FGF7: variants seen among roughly 807,000 people sequenced by gnomAD.
FGF7 encodes fibroblast growth factor 7, also known as FGF-7.
In FGF7, 6 loss-of-function variants were observed where a neutral mutation model predicts 20.5. That is an observed-to-expected ratio of 0.29 (90% confidence interval 0.16 to 0.58). The LOEUF is 0.58. Ranked by LOEUF, FGF7 falls within the 20% of genes least tolerant of loss-of-function variation. The pLI is 0.90. For missense variants in FGF7, 144 were observed against 228.8 expected (o/e 0.63, Z 2.39); for synonymous variants, 64 against 74.7 (o/e 0.86, Z 0.74).
intron 2 of FGF7, among the ~76,000 whole-genome samples, chr15:49,429,228 G>T (rs142284307): frequency 6.8e-4 from 103 of 152,070 alleles, no homozygotes; most frequent in African/African-American, 2.4e-3. Flanking sequence ...AGCAATTATA[G>T]ACAAGGTAGA....
intron 2 of FGF7, among the ~76,000 whole-genome samples, chr15:49,481,376 T>A: frequency 6.6e-6 from 1 of 152,238 alleles, no homozygotes; most frequent in East Asian, 1.9e-4. Flanking sequence ...CCTAATAGTA[T>A]TCTTCTGCAT....
chr15:49,458,619 C>A (rs1597333150), intron 2 of FGF7, among the ~76,000 whole-genome samples: 2 of 152,070 alleles, frequency 1.3e-5, no homozygotes, highest in Non-Finnish European at 2.9e-5. Flanking sequence ...TCAGAGGGAA[C>A]TTTATGTTCC....
chr15:49,428,742 C>A (rs1298539275), intron 2 of FGF7, among the ~76,000 whole-genome samples: 3 of 152,014 alleles, frequency 2.0e-5, no homozygotes, highest in Admixed American at 1.3e-4. Context: ...TAGTCAATAT[C>A]ATCTACTCCT....
chr15:49,444,257 G>A (rs2051965469), intron 2 of FGF7, among the ~76,000 whole-genome samples: 1 of 151,658 alleles, frequency 6.6e-6, no homozygotes, highest in Non-Finnish European at 1.5e-5. Context: ...ACGGAGAATG[G>A]AAGGCCACAA....
chr15:49,467,773 C>T (rs1167740559), intron 2 of FGF7, among the ~76,000 whole-genome samples: 1 of 152,084 alleles, frequency 6.6e-6, no homozygotes, highest in African/African-American at 2.4e-5. Flanking sequence ...AGTATTTCCT[C>T]CTGTCTGATT....
chr15:49,435,573 T>A (rs776849105), intron 2 of FGF7, among the ~76,000 whole-genome samples: 3 of 151,620 alleles, frequency 2.0e-5, no homozygotes, highest in Non-Finnish European at 3.0e-5. Context: ...TAATGTTGGA[T>A]GTTTAACAGG....
At chr15:49,470,134 C>T (rs940097327) in intron 2 of FGF7, among the ~76,000 whole-genome samples, 2 of 151,916 alleles carry the variant, frequency 1.3e-5, no homozygotes, top group South Asian at 2.1e-4. Flanking sequence ...ATGATCAAAG[C>T]GTGGAAAATG....
chr15:49,476,231 G>GTTTTTTTTTTTTTT (rs1567351795), intron 2 of FGF7, among the ~76,000 whole-genome samples: 1 of 29,114 alleles, frequency 3.4e-5, no homozygotes. Flanking sequence ...TTTTGTTTTT[G>GTTTTTTTTTTTTTT]GTTTTTTTTT....
At chr15:49,436,210 C>T (rs935244504) in intron 2 of FGF7, among the ~76,000 whole-genome samples, 1 of 151,434 alleles carries the variant, frequency 6.6e-6, no homozygotes, top group Non-Finnish European at 1.5e-5. Flanking sequence ...CAAAATTAGC[C>T]AGTGTTTCAG....
At chr15:49,435,055 T>C (rs962165620) in intron 2 of FGF7, among the ~76,000 whole-genome samples, 5 of 151,598 alleles carry the variant, frequency 3.3e-5, no homozygotes, top group African/African-American at 9.7e-5. Context: ...GTAATGTTCA[T>C]TTCGAACACA....
In FGF7 at chr15:49,484,531, T is replaced by C. The variant is rs774439584; in HGVS notation, c.*27T>C. On this transcript the variant is annotated 3_prime_UTR_variant, in exon 4 of 4. Coordinates refer to ENST00000267843, the MANE Select transcript of FGF7 (RefSeq NM_002009.4). ...TGCATATGGTATATAAAGAACCAGT[T>C]CCAGCAGGGAGATTTCTTTAAGTGG... 75 of 1,261,054 alleles carry C rather than the reference T, an allele frequency of 5.9e-5. No homozygotes were observed. The highest frequency in any genetic ancestry group is 3.6e-4 in the Admixed American group (13 of 36,136). The allele number at this position is 1,261,054 out of a possible 1,614,324, so 78.1% of individuals were successfully genotyped here.
At position 49,485,718 on chromosome 15, in the gene FGF7, C is replaced by A; in HGVS notation, c.*1214C>A. 1 of 152,208 alleles carries A rather than the reference C, an allele frequency of 6.6e-6. No homozygotes were observed. Among genetic ancestry groups the A allele is most frequent in the Non-Finnish European group, 1.5e-5 (1 of 67,912 alleles). The allele number at this position is 152,208 out of a possible 1,614,324, so 9.4% of individuals were successfully genotyped here. A position where few individuals can be genotyped will look rare whatever the true frequency, so the allele number is the denominator to read the frequency against. ...AAAAATCTTTCACCACATATTCTTGCCAATTAATTGGATCATATAAGTAAA... is the reference window on the plus strand; with the variant it reads ...AAAAATCTTTCACCACATATTCTTGACAATTAATTGGATCATATAAGTAAA... On this transcript the variant is annotated 3_prime_UTR_variant, in exon 4 of 4. Coordinates refer to ENST00000267843, the MANE Select transcript of FGF7 (RefSeq NM_002009.4).
intron 2 of FGF7, chr15:49,434,660 G>A (rs1567268642): frequency 1.3e-5 from 2 of 151,042 alleles, no homozygotes; most frequent in African/African-American, 4.9e-5. Flanking sequence ...CAAGGTAAAG[G>A]TTTTTTTTCT....
At chr15:49,434,162 T>C (rs2050872500) in intron 2 of FGF7, among the ~76,000 whole-genome samples, 1 of 151,642 alleles carries the variant, frequency 6.6e-6, no homozygotes, top group South Asian at 2.1e-4. Context: ...CTTCTGACCA[T>C]AGGCCTAGTT....
intron 2 of FGF7, 127 bp downstream of exon 2, chr15:49,424,710 C>G: frequency 1.3e-6 from 1 of 745,598 alleles, no homozygotes; most frequent in Non-Finnish European, 2.1e-6. Flanking sequence ...CACCTAATTT[C>G]TCTAAATTGA....
intron 2 of FGF7, among the ~76,000 whole-genome samples, chr15:49,474,803 G>T (rs2055097106): frequency 2.6e-5 from 4 of 152,024 alleles, no homozygotes; most frequent in African/African-American, 9.7e-5. Flanking sequence ...CATATGCCAG[G>T]GATCTAGGTT....
rs541354497 is a variant in FGF7, at chr15:49,469,488, C to T, written c.287-13663C>T. On this transcript the variant is annotated intron_variant, in intron 2 of 3. Transcript: ENST00000267843. ...CAACAAATCACTTGGCTTTTCATGGCACAATTTTTACTCCCTTTCTTAGAG... is the reference window on the plus strand; with the variant it reads ...CAACAAATCACTTGGCTTTTCATGGTACAATTTTTACTCCCTTTCTTAGAG... Among the ~76,000 whole-genome samples, 3 of 152,140 alleles carry T rather than the reference C, an allele frequency of 2.0e-5. No homozygotes were observed. The South Asian group carries it at 6.2e-4, about 32-fold the overall frequency.
intron 2 of FGF7, among the ~76,000 whole-genome samples, chr15:49,453,814 T>C (rs924213278): frequency 3.3e-5 from 5 of 152,146 alleles, no homozygotes; most frequent in East Asian, 3.9e-4. Context: ...ACGTTCCCAA[T>C]TGAATTCAGG....
At chr15:49,445,701 C>T (rs1000849629) in intron 2 of FGF7, among the ~76,000 whole-genome samples, 8 of 151,448 alleles carry the variant, frequency 5.3e-5, no homozygotes, top group African/African-American at 1.9e-4. Context: ...AGTATATGAT[C>T]CATCAAGTTC....
Sources: allele counts gnomAD v4.1 joint callset (sites outside exome capture counted in the v4.1 genomes callset), GRCh38; gene constraint gnomAD v4.1.1; transcripts MANE v1.5; gene names NCBI Gene and HGNC (gene_info 2026-07-23, HGNC 2026-07-21).